The following STIP1 variants were observed in gnomAD, a reference collection of about 807,000 sequenced individuals.
The protein encoded by STIP1 is stress induced phosphoprotein 1.
A neutral mutation model predicts 77.4 loss-of-function variants in STIP1; 16 were observed. The observed-to-expected ratio is 0.21, with a 90% CI of 0.14 to 0.31. STIP1 has a LOEUF of 0.31. STIP1 is among the 10% of genes least tolerant of loss of function. STIP1 has a pLI of 1.00. For synonymous variants in STIP1, 258 were observed against 246.6 expected (o/e 1.05, Z -0.44); for missense variants, 524 against 684.8 (o/e 0.77, Z 2.62).
chr11:64,186,010 G>T, upstream of STIP1: 1 of 1,543,644 alleles, frequency 6.5e-7, no homozygotes, highest in Non-Finnish European at 8.7e-7. Flanking sequence ...CCTGAGGTGC[G>T]GGGGAGGCAG....
intron 10 of STIP1, among the ~76,000 whole-genome samples, chr11:64,201,962 TG>T (rs1946223316): frequency 6.6e-6 from 1 of 152,278 alleles, no homozygotes; most frequent in South Asian, 2.1e-4. Context: ...GAATATCTGG[TG>T]TATCTTCCAC....
At position 64,197,507 on chromosome 11, in the gene STIP1, A is replaced by G. The variant is rs1358141800; in HGVS notation, c.814A>G (p.Lys272Glu). Reference protein sequence around the residue: ...ITNQAAVYFEKGDYNKCRELC... With the variant: ...ITNQAAVYFEEGDYNKCRELC... ...CTGCCTGGCAGCGGTATACTTTGAA[A>G]AGGGCGACTACAATAAGTGCCGGGA... The change falls in exon 7 of 14, where the codon AAG (lysine) becomes GAG (glutamate). Residue 272 changes from lysine (K) to glutamate (E), a missense_variant. Lys to Glu is a moderately conservative substitution (Grantham distance 56). Transcript: ENST00000305218. The G allele has an allele frequency of 1.2e-6, 2 of 1,614,208 alleles. No individual in the cohort carries two copies. Among genetic ancestry groups the G allele is most frequent in the East Asian group, 2.2e-5 (1 of 44,890 alleles).
intron 2 of STIP1, 66 bp from the exon 3 acceptor site, chr11:64,194,123 T>C (rs1224294282): frequency 6.4e-7 from 1 of 1,558,688 alleles, no homozygotes; most frequent in African/African-American, 1.4e-5. Context: ...TTGTTCTTTT[T>C]TGAGTTCGTC....
intron 1 of STIP1, among the ~76,000 whole-genome samples, chr11:64,188,258 T>G (rs1206189218): frequency 3.3e-5 from 5 of 149,862 alleles, no homozygotes; most frequent in Non-Finnish European, 5.9e-5. Flanking sequence ...ATAGGAGAAT[T>G]GCTTCAACCC....
At position 64,204,212 on chromosome 11, in the gene STIP1, C is replaced by A; in HGVS notation, c.*86C>A. On this transcript the variant is annotated 3_prime_UTR_variant, in exon 14 of 14. Coordinates refer to ENST00000305218, the MANE Select transcript of STIP1 (RefSeq NM_006819.3). ...GAGCAGCACGGAGCGGAAGGGAGAG[C>A]AGGGGAGAGAAGGCCTCATCTCTCT... is the stretch of plus-strand genomic sequence containing the variant. 7.2e-7 allele frequency: 1 copy of A among 1,391,020 alleles called. No homozygotes were observed. The allele number at this position is 1,391,020 out of a possible 1,614,324, so 86.2% of individuals were successfully genotyped here.
At chr11:64,202,570 A>G (rs1025216386) in intron 10 of STIP1, 2 of 372,618 alleles carry the variant, frequency 5.4e-6, no homozygotes, top group Admixed American at 4.4e-5. Flanking sequence ...TTAGTCAGCA[A>G]TGGTTTTGGA....
Position 64,199,789 on chromosome 11 carries a change from T to A in STIP1, c.1024-151T>A, listed in dbSNP as rs568600222. 8 of 682,968 alleles carry A rather than the reference T, an allele frequency of 1.2e-5. No individual in the cohort carries two copies. The South Asian group carries it at 1.3e-4, about 11-fold the overall frequency. 42.3% of individuals were successfully genotyped at this position (682,968 alleles called of 1,614,324 possible). Reference sequence around the variant, plus strand: ...CATGTTAGCCAGGATGGTCTCGATCTCCTGACCTCGTGATCCACCCGCCTC... The same window carrying A: ...CATGTTAGCCAGGATGGTCTCGATCACCTGACCTCGTGATCCACCCGCCTC... On this transcript the variant is annotated intron_variant, in intron 8 of 13. Transcript: ENST00000305218.
intron 1 of STIP1, among the ~76,000 whole-genome samples, chr11:64,188,839 T>C (rs1300158692): frequency 1.3e-5 from 2 of 152,362 alleles, no homozygotes; most frequent in Admixed American, 1.3e-4. Context: ...GCCCACCATC[T>C]GGAAGCCATT....
intron 9 of STIP1, 58 bp from the exon 10 acceptor site, chr11:64,200,111 C>T (rs995370065): frequency 2.9e-5 from 46 of 1,611,998 alleles, no homozygotes; most frequent in African/African-American, 4.0e-5. Context: ...GGTAAATGGC[C>T]GGCTACACAT....
chr11:64,191,132 A>T (rs1231922395), intron 1 of STIP1, among the ~76,000 whole-genome samples: 1 of 148,212 alleles, frequency 6.7e-6, no homozygotes, highest in Non-Finnish European at 1.5e-5. Flanking sequence ...GGTTGTGGTG[A>T]GGCAAGATTG....
At chr11:64,192,269 G>T (rs573194259) in intron 1 of STIP1, among the ~76,000 whole-genome samples, 1 of 152,148 alleles carries the variant, frequency 6.6e-6, no homozygotes, top group African/African-American at 2.4e-5. Context: ...AGCCGAGATC[G>T]TGCCACTGCA....
chr11:64,187,200 T>C (rs1476122180), intron 1 of STIP1, among the ~76,000 whole-genome samples: 7 of 152,070 alleles, frequency 4.6e-5, no homozygotes, highest in Admixed American at 4.6e-4. Flanking sequence ...CTCAGTAGCT[T>C]GCGGTTATGA....
chr11:64,186,335 G>C, intron 1 of STIP1, 65 bp downstream of exon 1: 1 of 485,996 alleles, frequency 2.1e-6, no homozygotes, highest in Non-Finnish European at 3.3e-6. Context: ...CCAGGCCGCG[G>C]TAGGGGGGCG....
chr11:64,203,104 C>T (rs372379476), intron 11 of STIP1, 21 bp from the exon 12 acceptor site: 23 of 1,613,854 alleles, frequency 1.4e-5, no homozygotes, highest in Middle Eastern at 1.7e-4. Context: ...TTGGATAACG[C>T]GCCACCTTTC....
At chr11:64,194,087 C>G in intron 2 of STIP1, 102 bp from the exon 3 acceptor site, 1 of 1,480,630 alleles carries the variant, frequency 6.8e-7, no homozygotes, top group Non-Finnish European at 9.1e-7. Flanking sequence ...CATGTGAATA[C>G]TCATTTTTCC....
chr11:64,203,988 T>A, intron 13 of STIP1, 66 bp from the exon 14 acceptor site: 2 of 1,586,326 alleles, frequency 1.3e-6, no homozygotes, highest in African/African-American at 2.7e-5. Flanking sequence ...GAATTGGGGC[T>A]TGCTCTGAGA....
In STIP1 at chr11:64,193,441, C is replaced by T. The variant is rs1009265989; in HGVS notation, c.219+154C>T. ...TCAGAAATGGCATTTTTCATCAAAT[C>T]TAAGGTAGCCATTAGTTGTAATACA... is the stretch of plus-strand genomic sequence containing the variant. On this transcript the variant is annotated intron_variant, in intron 2 of 13. Coordinates refer to ENST00000305218, the MANE Select transcript of STIP1 (RefSeq NM_006819.3). 11 of 685,518 alleles carry T rather than the reference C, an allele frequency of 1.6e-5. No individual in the cohort carries two copies. The East Asian group carries it at 2.7e-4, about 17-fold the overall frequency. The allele number at this position is 685,518 out of a possible 1,614,324, so 42.5% of individuals were successfully genotyped here. A position where few individuals can be genotyped will look rare whatever the true frequency, so the allele number is the denominator to read the frequency against.
At chr11:64,202,727 A>G (rs1946232949) in intron 10 of STIP1, 149 bp from the exon 11 acceptor site, 2 of 799,948 alleles carry the variant, frequency 2.5e-6, no homozygotes, top group Non-Finnish European at 4.3e-6. Context: ...GTGTGGGATG[A>G]TCCATCATCT....
At chr11:64,190,837 AAAG>A (rs1224641003) in intron 1 of STIP1, among the ~76,000 whole-genome samples, 1 of 152,026 alleles carries the variant, frequency 6.6e-6, no homozygotes, top group Non-Finnish European at 1.5e-5. Context: ...TCTACCACAA[AAAG>A]AAAAAAACAT....
Sources: allele counts gnomAD v4.1 joint callset (sites outside exome capture counted in the v4.1 genomes callset), GRCh38; gene constraint gnomAD v4.1.1; transcripts MANE v1.5; gene names NCBI Gene and HGNC (gene_info 2026-07-23, HGNC 2026-07-21).